The following OPRM1 variants were observed in gnomAD, a reference collection of about 807,000 sequenced individuals.
OPRM1 encodes the protein mu-type opioid receptor.
Under a neutral mutation model 31.8 loss-of-function variants are expected in OPRM1, and 27 were observed. The ratio of observed to expected loss-of-function variants is 0.85; its 90% confidence interval spans 0.63 to 1.17. The LOEUF is 1.17. Ranked by LOEUF, OPRM1 falls within the 50% of genes most tolerant of loss-of-function variation. The probability of loss-of-function intolerance (pLI) is 0.00; values close to 1 mark genes in which losing one functional copy is unlikely to be tolerated. For synonymous variants in OPRM1, 196 were observed against 189.9 expected (o/e 1.03, Z -0.26); for missense variants, 536 against 511.1 (o/e 1.05, Z -0.47).
At chr6:154,069,934 C>T (rs1242662584) in intron 1 of OPRM1, among the ~76,000 whole-genome samples, 1 of 151,978 alleles carries the variant, frequency 6.6e-6, no homozygotes, top group East Asian at 1.9e-4. Context: ...ATGTCTGACC[C>T]CCAAAAAAGG....
intron 1 of OPRM1, among the ~76,000 whole-genome samples, chr6:154,089,035 C>T (rs942622759): frequency 5.3e-5 from 8 of 152,174 alleles, no homozygotes; most frequent in Non-Finnish European, 1.5e-5. Context: ...TCCTACTATT[C>T]CCTTTGCCTT....
At chr6:154,214,142 G>A (rs9478525) in intron 3 of OPRM1, 56,376 of 943,126 alleles carry the variant, frequency 0.06, 2,081 homozygotes, top group African/African-American at 0.12. Context: ...CATAGAACTT[G>A]ACATTGTTTT....
rs924214663 is a variant in OPRM1, at chr6:154,119,519, A to G, written c.*798A>G. The G allele has an allele frequency of 3.8e-6, 3 of 797,920 alleles. No individual in the cohort carries two copies. In the African/African-American group the frequency reaches 5.6e-5, roughly 15 times the overall value. The allele number at this position is 797,920 out of a possible 1,614,324, so 49.4% of individuals were successfully genotyped here. A position where few individuals can be genotyped will look rare whatever the true frequency, so the allele number is the denominator to read the frequency against. On this transcript the variant is annotated 3_prime_UTR_variant, in exon 4 of 4. Transcript: ENST00000330432. ...AAGTGTTCACAAAAGGTAATAGTCA[A>G]TGAGCTCATCACTTCATCCATGCAG...
intron 1 of OPRM1, among the ~76,000 whole-genome samples, chr6:154,026,150 T>C (rs1002039763): frequency 6.6e-6 from 1 of 152,154 alleles, no homozygotes. Context: ...TACTCAGCTT[T>C]TGTTTGTCTG....
intron 3 of OPRM1, among the ~76,000 whole-genome samples, chr6:154,172,097 C>T (rs1249284316): frequency 6.6e-6 from 1 of 152,080 alleles, no homozygotes; most frequent in Non-Finnish European, 1.5e-5. Context: ...AATTGAGCCA[C>T]TAAAAGAAAA....
In OPRM1 at chr6:154,020,780, G is replaced by T. The variant is rs192267112; in HGVS notation, c.-1+9762G>T. Among the ~76,000 whole-genome samples, 242 of 152,186 alleles carry T rather than the reference G, an allele frequency of 1.6e-3. 1 individual carries two copies. The highest frequency in any genetic ancestry group is 5.7e-3 in the African/African-American group (236 of 41,506). On this transcript the variant is annotated intron_variant, in intron 1 of 5. Transcript: ENST00000434900. ...CGTTTTAATTTGCAATTCACTAAGGGCATACAATGTTGAAAATTTTTTCAT... is the reference window on the plus strand; with the variant it reads ...CGTTTTAATTTGCAATTCACTAAGGTCATACAATGTTGAAAATTTTTTCAT...
At chr6:154,200,104 A>G in intron 3 of OPRM1, 1 of 1,432,274 alleles carries the variant, frequency 7.0e-7, no homozygotes, top group Non-Finnish European at 9.4e-7. Context: ...ATCATTCTCT[A>G]CCTTTTATTT....
chr6:154,152,837 C>A (rs949955042), intron 3 of OPRM1, among the ~76,000 whole-genome samples: 2 of 151,958 alleles, frequency 1.3e-5, no homozygotes, highest in Non-Finnish European at 2.9e-5. Context: ...TCAAAGGATA[C>A]TCCTGCCTCA....
intron 1 of OPRM1, among the ~76,000 whole-genome samples, chr6:154,068,095 T>A (rs546674039): frequency 6.6e-6 from 1 of 152,236 alleles, no homozygotes; most frequent in African/African-American, 2.4e-5. Flanking sequence ...TTTTACTTAA[T>A]CCCATATATC....
upstream of OPRM1, among the ~76,000 whole-genome samples, chr6:154,034,622 A>C (rs1779197416): frequency 6.6e-6 from 1 of 152,118 alleles, no homozygotes; most frequent in Non-Finnish European, 1.5e-5. Flanking sequence ...TTAATTTCTG[A>C]AGTGATAGAC....
At chr6:154,135,647 C>G (rs1206439520), downstream of OPRM1, among the ~76,000 whole-genome samples, 1 of 152,166 alleles carries the variant, frequency 6.6e-6, no homozygotes, top group African/African-American at 2.4e-5. Flanking sequence ...CTTGAAAAGG[C>G]TATATAAAAG....
chr6:154,091,687 A>G, intron 3 of OPRM1: 1 of 1,315,374 alleles, frequency 7.6e-7, no homozygotes, highest in Non-Finnish European at 9.6e-7. Flanking sequence ...AGATACACCA[A>G]TGAGAAATCC....
intron 3 of OPRM1, among the ~76,000 whole-genome samples, chr6:154,162,410 A>T (rs951998286): frequency 1.3e-5 from 2 of 152,140 alleles, no homozygotes; most frequent in Admixed American, 6.5e-5. Flanking sequence ...ATTCACCAAA[A>T]CTGCTCTTGT....
intron 3 of OPRM1, among the ~76,000 whole-genome samples, chr6:154,169,459 T>C (rs779622477): frequency 6.6e-6 from 1 of 152,172 alleles, no homozygotes; most frequent in African/African-American, 2.4e-5. Flanking sequence ...TTTAAACCCA[T>C]GCAAGTCGAC....
intron 3 of OPRM1, chr6:154,212,862 C>A: frequency 6.3e-6 from 10 of 1,597,316 alleles, no homozygotes; most frequent in Non-Finnish European, 8.6e-6. Flanking sequence ...CATTCTATAA[C>A]AAAAATGAAA....
At chr6:154,178,894 G>C (rs1053161480) in intron 3 of OPRM1, among the ~76,000 whole-genome samples, 4 of 152,124 alleles carry the variant, frequency 2.6e-5, no homozygotes, top group African/African-American at 9.7e-5. Flanking sequence ...CCTGATTCCA[G>C]AATCATCCAC....
At chr6:154,103,559 CT>C (rs968991406) in intron 3 of OPRM1, among the ~76,000 whole-genome samples, 5 of 151,414 alleles carry the variant, frequency 3.3e-5, no homozygotes, top group East Asian at 3.9e-4. Flanking sequence ...GGTTTATAAA[CT>C]TTTTTTTTCA....
At chr6:154,023,140 T>C (rs1341046654) in intron 1 of OPRM1, among the ~76,000 whole-genome samples, 2 of 152,222 alleles carry the variant, frequency 1.3e-5, no homozygotes, top group Admixed American at 6.5e-5. Flanking sequence ...TTGATGTCAG[T>C]AGTATGGACA....
intron 3 of OPRM1, chr6:154,107,420 G>A (rs1195653590): frequency 2.8e-6 from 2 of 717,604 alleles, no homozygotes; most frequent in Admixed American, 4.0e-5. Flanking sequence ...GAAGAGAATA[G>A]ACGTCTTCAC....
Sources: allele counts gnomAD v4.1 joint callset (sites outside exome capture counted in the v4.1 genomes callset), GRCh38; gene constraint gnomAD v4.1.1; transcripts MANE v1.5; gene names NCBI Gene and HGNC (gene_info 2026-07-23, HGNC 2026-07-21).